Variants in MGAT5 observed in about 807,000 individuals in gnomAD.
The protein encoded by MGAT5 is alpha-1,6-mannosylglycoprotein 6-beta-N-acetylglucosaminyltransferase A.
Under a neutral mutation model 94.3 loss-of-function variants are expected in MGAT5, and 30 were observed. That is an observed-to-expected ratio of 0.32 (90% CI 0.24 to 0.43). MGAT5 has a LOEUF of 0.43. Among genes scored for constraint, MGAT5 ranks in the 20% least tolerant of loss-of-function variants. MGAT5 has a pLI of 1.00. For synonymous variants in MGAT5, 310 were observed against 322.9 expected, an observed-to-expected ratio of 0.96 and a Z score of 0.43; for missense variants, 691 against 905.5, an observed-to-expected ratio of 0.76 and a Z score of 3.04.
intron 2 of MGAT5, among the ~76,000 whole-genome samples, chr2:134,312,025 G>A (rs993065766): frequency 1.3e-5 from 2 of 152,170 alleles, no homozygotes; most frequent in African/African-American, 4.8e-5. Context: ...TGTGGCAGAT[G>A]GATCGATTGA....
At chr2:134,412,810 G>C (rs540153537) in intron 11 of MGAT5, 59 bp from the exon 12 acceptor site, 7 of 1,590,402 alleles carry the variant, frequency 4.4e-6, no homozygotes, top group Non-Finnish European at 5.2e-6. Context: ...AGGAATGCCC[G>C]TCCTGCCTGA....
At chr2:134,299,697 A>AT (rs1391699625) in intron 2 of MGAT5, among the ~76,000 whole-genome samples, 2 of 151,906 alleles carry the variant, frequency 1.3e-5, no homozygotes, top group South Asian at 2.1e-4. Flanking sequence ...TTCCTCATGA[A>AT]TTTTTTCAGA....
intron 11 of MGAT5, among the ~76,000 whole-genome samples, chr2:134,412,221 G>T (rs1394530151): frequency 1.3e-5 from 2 of 152,130 alleles, no homozygotes; most frequent in Non-Finnish European, 2.9e-5. Context: ...TGGTTTGCCT[G>T]CTGGAGAGGG....
chr2:134,267,685 T>C (rs556215688), intron 1 of MGAT5, among the ~76,000 whole-genome samples: 1 of 152,320 alleles, frequency 6.6e-6, no homozygotes, highest in South Asian at 2.1e-4. Context: ...CACTAATAAC[T>C]ATCACCAATA....
chr2:134,357,048 A>C (rs1573905410), intron 9 of MGAT5, among the ~76,000 whole-genome samples: 1 of 152,080 alleles, frequency 6.6e-6, no homozygotes. Context: ...CAGGAATTTT[A>C]GCTGCTTTGT....
chr2:134,237,812 G>A (rs13011765), intron 1 of MGAT5, among the ~76,000 whole-genome samples: 14,697 of 146,696 alleles, frequency 0.1, 861 homozygotes, highest in Non-Finnish European at 0.1. Context: ...GTGCAGTGGT[G>A]CGATCTTGGC....
chr2:134,221,495 A>G (rs997886100), intron 1 of MGAT5, among the ~76,000 whole-genome samples: 2 of 152,146 alleles, frequency 1.3e-5, no homozygotes, highest in Admixed American at 1.3e-4. Flanking sequence ...AGGTTGTAAA[A>G]TGTTGCTTAT....
At chr2:134,359,017 C>T (rs1467446463) in intron 9 of MGAT5, among the ~76,000 whole-genome samples, 2 of 152,128 alleles carry the variant, frequency 1.3e-5, no homozygotes, top group Non-Finnish European at 2.9e-5. Context: ...ATAGGTGCTT[C>T]CAAAGTGCTT....
intron 10 of MGAT5, among the ~76,000 whole-genome samples, chr2:134,371,167 C>T (rs1305200871): frequency 1.3e-5 from 2 of 152,140 alleles, no homozygotes; most frequent in African/African-American, 4.8e-5. Context: ...AGGAGATGCC[C>T]GGATTCTCAT....
chr2:134,220,381 A>G (rs1347833619), intron 1 of MGAT5, among the ~76,000 whole-genome samples: 2 of 152,096 alleles, frequency 1.3e-5, no homozygotes, highest in East Asian at 3.9e-4. Context: ...TAAAAGGCAC[A>G]CAAGATGGTG....
At position 134,344,886 on chromosome 2, in the gene MGAT5, T is replaced by C. The variant is rs923797995; in HGVS notation, c.978-44T>C. On this transcript the variant is annotated intron_variant, in intron 7 of 15. Coordinates refer to ENST00000281923, the MANE Select transcript of MGAT5 (RefSeq NM_002410.5). ...CCAAGTTTATTACCTTTTAAGTAAA[T>C]GATTTTTCTCTTTTTTCTCCCCTCT... 3 of 1,596,714 alleles carry C rather than the reference T, an allele frequency of 1.9e-6. No individual in the cohort carries two copies. The African/African-American group carries it at 4.0e-5, about 22-fold the overall frequency.
In MGAT5 at chr2:134,247,374, A is replaced by C. The variant is rs990375929; in HGVS notation, c.-142-6888A>C. Among the ~76,000 whole-genome samples the C allele has an allele frequency of 6.0e-4, 85 of 140,816 alleles. 1 individual carries two copies. The highest frequency in any genetic ancestry group is 2.2e-3 in the African/African-American group (76 of 35,012). The allele number at this position is 140,816 out of a possible 152,430, so 92.4% of individuals were successfully genotyped here. ...GGGCCTGAATTAAAAAAAAAAAAAA[A>C]CAAAAAAAAAACGTAAACTAGACCA... On this transcript the variant is annotated intron_variant, in intron 1 of 16. Transcript: ENST00000409645.
At chr2:134,420,177 A>G (rs1684216220) in intron 12 of MGAT5, among the ~76,000 whole-genome samples, 1 of 152,168 alleles carries the variant, frequency 6.6e-6, no homozygotes, top group Non-Finnish European at 1.5e-5. Context: ...CTTAGGGGAA[A>G]TGTAATCGCC....
At chr2:134,246,508 C>A (rs1030719541) in intron 1 of MGAT5, among the ~76,000 whole-genome samples, 2 of 152,190 alleles carry the variant, frequency 1.3e-5, no homozygotes, top group African/African-American at 4.8e-5. Flanking sequence ...ATGAAGACTG[C>A]CCCCCACCAC....
At chr2:134,244,465 G>T (rs528076858) in intron 1 of MGAT5, among the ~76,000 whole-genome samples, 1 of 152,278 alleles carries the variant, frequency 6.6e-6, no homozygotes, top group African/African-American at 2.4e-5. Flanking sequence ...CTAGGAATGA[G>T]ATTCTCAGTC....
intron 10 of MGAT5, among the ~76,000 whole-genome samples, chr2:134,400,017 C>A (rs1682943044): frequency 6.6e-6 from 1 of 152,136 alleles, no homozygotes; most frequent in Non-Finnish European, 1.5e-5. Context: ...ATCCTTTGAG[C>A]CCCTTGATGG....
chr2:134,130,091 G>A (rs943322981), intron 1 of MGAT5, among the ~76,000 whole-genome samples: 9 of 152,162 alleles, frequency 5.9e-5, no homozygotes, highest in Admixed American at 4.6e-4. Context: ...GAGGAGCGCC[G>A]GGTCCCCCAG....
rs563077483 is a variant in MGAT5 at position 134,441,025 on chromosome 2, T to A, written c.1870-733T>A. On this transcript the variant is annotated intron_variant, in intron 14 of 15. Coordinates refer to ENST00000281923, the MANE Select transcript of MGAT5 (RefSeq NM_002410.5). ...AAGAAATGTACCATAGGAACTTAAC[T>A]CTTGTTAATATCAATTAGCCTGTTG... 1.2e-3 allele frequency among the ~76,000 whole-genome samples: 184 copies of A among 152,356 alleles called. 1 individual carries two copies. Among genetic ancestry groups the A allele is most frequent in the Non-Finnish European group, 2.8e-4 (19 of 68,036 alleles).
At chr2:134,371,030 A>G (rs1289972391) in intron 10 of MGAT5, among the ~76,000 whole-genome samples, 1 of 152,172 alleles carries the variant, frequency 6.6e-6, no homozygotes, top group Non-Finnish European at 1.5e-5. Context: ...TCCCTGTTTC[A>G]GCAAGCTTTA....
Sources: allele counts gnomAD v4.1 joint callset (sites outside exome capture counted in the v4.1 genomes callset), GRCh38; gene constraint gnomAD v4.1.1; transcripts MANE v1.5; gene names NCBI Gene and HGNC (gene_info 2026-07-23, HGNC 2026-07-21).